Variants in AGBL1 observed in about 807,000 individuals in gnomAD.
AGBL1 encodes the protein cytosolic carboxypeptidase 4.
In AGBL1, 130 loss-of-function variants were observed where a neutral mutation model predicts 118.9. The observed-to-expected ratio is 1.09, with a 90% CI of 0.95 to 1.26. The LOEUF (loss-of-function observed/expected upper bound fraction) is 1.26. Ranked by LOEUF, AGBL1 falls within the 50% of genes most tolerant of loss-of-function variation. The pLI, the probability that AGBL1 is intolerant of heterozygous loss-of-function variation, is 0.00. For synonymous variants in AGBL1, 555 were observed against 478.9 expected (o/e 1.16, Z -2.08); for missense variants, 1,584 against 1,298.1 (o/e 1.22, Z -3.38).
At chr15:86,373,065 A>C (rs909683232) in intron 17 of AGBL1, among the ~76,000 whole-genome samples, 1 of 152,156 alleles carries the variant, frequency 6.6e-6, no homozygotes, top group African/African-American at 2.4e-5. Context: ...AGCAACAGGA[A>C]GTTTTGAAAC....
chr15:86,602,327 A>G (rs1256649438), intron 21 of AGBL1, among the ~76,000 whole-genome samples: 2 of 152,208 alleles, frequency 1.3e-5, no homozygotes, highest in Non-Finnish European at 2.9e-5. Context: ...GCTCAGCACA[A>G]CTTCTAGTAC....
chr15:86,079,871 A>C lies in AGBL1; in HGVS notation c.-102A>C. ...GCATGTGCAGCTGAGGCCTCCGGGCAGTCGTCTCCTGCGAGGCGGGCAGCG... is the reference window on the plus strand; with the variant it reads ...GCATGTGCAGCTGAGGCCTCCGGGCCGTCGTCTCCTGCGAGGCGGGCAGCG... On this transcript the variant is annotated 5_prime_UTR_variant, in exon 1 of 23. Transcript: ENST00000614907. 1 of 819,150 alleles carries C rather than the reference A, an allele frequency of 1.2e-6. No individual in the cohort carries two copies. The highest frequency in any genetic ancestry group is 1.6e-6 in the Non-Finnish European group (1 of 608,842). The allele number at this position is 819,150 out of a possible 1,614,324, so 50.7% of individuals were successfully genotyped here. A position where few individuals can be genotyped will look rare whatever the true frequency, so the allele number is the denominator to read the frequency against.
chr15:86,467,461 C>T (rs573972625), intron 18 of AGBL1, among the ~76,000 whole-genome samples: 2 of 152,182 alleles, frequency 1.3e-5, no homozygotes, highest in African/African-American at 2.4e-5. Context: ...GACTTCAGCC[C>T]CCTTTCCAGG....
At chr15:86,274,219 A>T (rs2079208480) in intron 15 of AGBL1, among the ~76,000 whole-genome samples, 1 of 152,084 alleles carries the variant, frequency 6.6e-6, no homozygotes, top group Non-Finnish European at 1.5e-5. Flanking sequence ...GCACACTAGA[A>T]TTTTGTTGTG....
intron 23 of AGBL1, among the ~76,000 whole-genome samples, chr15:86,983,542 C>T (rs972263134): frequency 6.6e-6 from 1 of 152,138 alleles, no homozygotes; most frequent in African/African-American, 2.4e-5. Flanking sequence ...TTTTTAAAAA[C>T]TCAGCTTTAT....
At chr15:86,405,484 G>A (rs2081511763) in intron 18 of AGBL1, among the ~76,000 whole-genome samples, 1 of 151,658 alleles carries the variant, frequency 6.6e-6, no homozygotes, top group Admixed American at 6.6e-5. Context: ...ACCAGCCTGG[G>A]CAACAGAGTG....
intron 22 of AGBL1, among the ~76,000 whole-genome samples, chr15:86,893,396 G>A (rs2080078490): frequency 6.6e-6 from 1 of 152,160 alleles, no homozygotes; most frequent in Non-Finnish European, 1.5e-5. Context: ...ATTAAGGAAT[G>A]CCACAGGCTG....
At chr15:86,213,964 C>G (rs1268030747) in intron 5 of AGBL1, among the ~76,000 whole-genome samples, 1 of 152,146 alleles carries the variant, frequency 6.6e-6, no homozygotes, top group Non-Finnish European at 1.5e-5. Context: ...TACTTTCTGT[C>G]TCTATTTCTC....
chr15:86,836,258 C>T (rs1029584927), intron 22 of AGBL1, among the ~76,000 whole-genome samples: 1 of 151,998 alleles, frequency 6.6e-6, no homozygotes, highest in Non-Finnish European at 1.5e-5. Flanking sequence ...CATGGGTAGC[C>T]CTGAAAATAG....
At chr15:86,196,088 A>G (rs1046279538) in intron 5 of AGBL1, among the ~76,000 whole-genome samples, 4 of 152,206 alleles carry the variant, frequency 2.6e-5, no homozygotes, top group Non-Finnish European at 5.9e-5. Context: ...CATTTTTAAG[A>G]AAGTGATTTT....
intron 13 of AGBL1, 112 bp downstream of exon 13, chr15:86,267,188 C>A: frequency 1.3e-6 from 1 of 796,482 alleles, no homozygotes; most frequent in Non-Finnish European, 2.1e-6. Flanking sequence ...TTGAAATCAG[C>A]CATGGTGGGA....
Position 86,806,748 on chromosome 15 carries a change from CATT to C in AGBL1, c.3159-100332_3159-100330del, listed in dbSNP as rs201092397. On this transcript the variant is annotated intron_variant, in intron 22 of 22. Coordinates refer to ENST00000614907, the MANE Select transcript of AGBL1 (RefSeq NM_001386094.1). ...ACTTATAAAGTAATATAAAAGTTCT[CATT>C]ATTATTTTATATTAATTATATACAT... 4.6e-3 allele frequency among the ~76,000 whole-genome samples: 699 copies of C among 151,194 alleles called. 13 individuals carry two copies. The highest frequency in any genetic ancestry group is 4.6e-3 in the South Asian group (22 of 4,800).
At chr15:86,443,517 C>T (rs892478169) in intron 18 of AGBL1, among the ~76,000 whole-genome samples, 1 of 152,152 alleles carries the variant, frequency 6.6e-6, no homozygotes, top group Middle Eastern at 3.4e-3. Context: ...ATTATAGTCA[C>T]CCTACAGTGC....
At chr15:86,175,401 CTCTT>C (rs1348078120) in intron 5 of AGBL1, among the ~76,000 whole-genome samples, 1 of 151,950 alleles carries the variant, frequency 6.6e-6, no homozygotes, top group African/African-American at 2.4e-5. Context: ...TGGGTCTTCT[CTCTT>C]TTTTGTTAGT....
chr15:86,723,738 G>T (rs1373426676), intron 22 of AGBL1, among the ~76,000 whole-genome samples: 11 of 151,846 alleles, frequency 7.2e-5, no homozygotes, highest in East Asian at 1.9e-4. Flanking sequence ...ATATACAAAA[G>T]AATTAAAATG....
At chr15:86,347,727 T>C (rs971177676) in intron 17 of AGBL1, among the ~76,000 whole-genome samples, 2 of 152,220 alleles carry the variant, frequency 1.3e-5, no homozygotes, top group African/African-American at 2.4e-5. Context: ...TTTCACCTAA[T>C]TGAATGAAAT....
chr15:87,015,389 C>T (rs1236716997), intron 24 of AGBL1, among the ~76,000 whole-genome samples: 2 of 152,072 alleles, frequency 1.3e-5, no homozygotes, highest in African/African-American at 4.8e-5. Flanking sequence ...TCTAGTCTGT[C>T]TATCTATCTA....
intron 22 of AGBL1, among the ~76,000 whole-genome samples, chr15:86,825,387 TAAAAAAAAAAAAAAA>T (rs869042604): frequency 1.2e-3 from 13 of 11,148 alleles, no homozygotes; most frequent in Admixed American, 1.6e-3. Flanking sequence ...GTAGAAACTG[TAAAAAAAAAAAAAAA>T]AAAAAAAAAA....
At chr15:86,653,807 T>C (rs1480329844) in intron 21 of AGBL1, among the ~76,000 whole-genome samples, 5 of 152,156 alleles carry the variant, frequency 3.3e-5, no homozygotes, top group Non-Finnish European at 7.3e-5. Context: ...CACGATCACC[T>C]TGGGCTGGAA....
Sources: gnomAD v4.1 joint callset for allele counts (sites outside exome capture counted in the v4.1 genomes callset) on GRCh38, gnomAD v4.1.1 for gene constraint, MANE v1.5 for transcripts, NCBI Gene and HGNC (gene_info 2026-07-23, HGNC 2026-07-21) for gene names.